RADX: variants seen among roughly 807,000 people sequenced by gnomAD.
RADX encodes the protein RPA1 related single stranded DNA binding protein, X-linked.
In RADX, 36 loss-of-function variants were observed where a neutral mutation model predicts 61.6. The ratio of observed to expected loss-of-function variants is 0.58; its 90% confidence interval spans 0.45 to 0.77. The LOEUF (loss-of-function observed/expected upper bound fraction) is 0.77. Ranked by LOEUF, RADX falls within the 30% of genes least tolerant of loss-of-function variation. The pLI is 0.00. For synonymous variants in RADX, 272 were observed against 237.9 expected (o/e 1.14, Z -1.32); for missense variants, 497 against 651.1 (o/e 0.76, Z 2.58).
At chrX:106,672,523 G>T (rs1195338451) in intron 13 of RADX, among the ~76,000 whole-genome samples, 1 of 110,673 alleles carries the variant, frequency 9.0e-6, no homozygotes, top group Non-Finnish European at 1.9e-5. Context: ...TGAAGCTGAG[G>T]CTGGAGTGAC....
intron 11 of RADX, among the ~76,000 whole-genome samples, chrX:106,650,781 A>T (rs1270355080): frequency 9.0e-6 from 1 of 111,674 alleles, no homozygotes; most frequent in Non-Finnish European, 1.9e-5. Context: ...ATCAATATGA[A>T]GAACTGACAT....
chrX:106,648,731 A>G (rs749469725), intron 11 of RADX, among the ~76,000 whole-genome samples: 92 of 111,007 alleles, frequency 8.3e-4, no homozygotes, highest in Non-Finnish European at 1.6e-3. Context: ...TTTCTTTGCT[A>G]TTGGGTTGGC....
At chrX:106,640,791 A>G (rs750102383) in intron 10 of RADX, 70 bp downstream of exon 10, 6 of 755,758 alleles carry the variant, frequency 7.9e-6, no homozygotes, top group Non-Finnish European at 1.1e-5. Context: ...CTGTAAAATA[A>G]GCAATTATCG....
Position 106,612,023 on chromosome X carries a change from C to T in RADX, c.-58C>T. ...CAAAGCGCGCGGTTTTATTTCTCTC[C>T]GCTTTGGACGGGGCAAACTAGCTTT... On this transcript the variant is annotated 5_prime_UTR_variant, in exon 1 of 14. Transcript: ENST00000372548. 1.8e-6 allele frequency: 2 copies of T among 1,138,191 alleles called. No individual in the cohort carries two copies. Among genetic ancestry groups the T allele is most frequent in the Non-Finnish European group, 2.3e-6 (2 of 854,183 alleles). The allele number at this position is 1,138,191 out of a possible 1,213,427, so 93.8% of individuals were successfully genotyped here. A position where few individuals can be genotyped will look rare whatever the true frequency, so the allele number is the denominator to read the frequency against.
At chrX:106,647,575 T>C (rs1927691183) in intron 10 of RADX, among the ~76,000 whole-genome samples, 1 of 111,188 alleles carries the variant, frequency 9.0e-6, no homozygotes, top group Admixed American at 9.6e-5. Context: ...CAAACTGTCT[T>C]CATAGTGGAT....
At chrX:106,616,990 G>A (rs1320411758) in intron 1 of RADX, among the ~76,000 whole-genome samples, 1 of 100,233 alleles carries the variant, frequency 1.0e-5, no homozygotes, top group Non-Finnish European at 2.0e-5. Flanking sequence ...GCTTGCAATT[G>A]GCATTTCTTT....
chrX:106,672,836 C>G (rs5917015), intron 13 of RADX, among the ~76,000 whole-genome samples: 21,895 of 111,244 alleles, frequency 0.2, 2,044 homozygotes, highest in Middle Eastern at 0.32. Context: ...AGCTGGCTTT[C>G]AAACAATACA....
At chrX:106,613,531 G>C (rs1020129240) in intron 1 of RADX, among the ~76,000 whole-genome samples, 1 of 112,011 alleles carries the variant, frequency 8.9e-6, no homozygotes, top group Non-Finnish European at 1.9e-5. Flanking sequence ...ATAAGAGAAA[G>C]TACTGGAAGG....
intron 7 of RADX, 127 bp downstream of exon 7, chrX:106,636,774 CT>C: frequency 2.9e-6 from 1 of 343,697 alleles, no homozygotes. Flanking sequence ...TCCTTTATTA[CT>C]ATAAGAGTGT....
intron 1 of RADX, among the ~76,000 whole-genome samples, chrX:106,615,583 C>A (rs1926782649): frequency 8.9e-6 from 1 of 111,741 alleles, no homozygotes; most frequent in Non-Finnish European, 1.9e-5. Flanking sequence ...TAAATATTTC[C>A]TCCCCCATTT....
intron 11 of RADX, among the ~76,000 whole-genome samples, chrX:106,659,801 A>C (rs1382472853): frequency 9.0e-6 from 1 of 111,656 alleles, no homozygotes; most frequent in Middle Eastern, 5.5e-3. Flanking sequence ...TAAAATAAAA[A>C]AATAAAGCAT....
chrX:106,631,714 A>AG (rs1253549001), intron 3 of RADX, among the ~76,000 whole-genome samples: 1 of 106,152 alleles, frequency 9.4e-6, no homozygotes, highest in Non-Finnish European at 1.9e-5. Context: ...AAAAAAAAAA[A>AG]AAGAAAGAAG....
intron 10 of RADX, among the ~76,000 whole-genome samples, chrX:106,642,576 A>G (rs1390969569): frequency 9.0e-6 from 1 of 111,600 alleles, no homozygotes; most frequent in Admixed American, 9.5e-5. Flanking sequence ...GTTGTTGCAA[A>G]TCACTGGATC....
At position 106,666,937 on chromosome X, in the gene RADX, A is replaced by T. The variant is rs1928241534; in HGVS notation, c.2270-2226A>T. ...TCTTAAATTCTATTATTGAAAAATT[A>T]TAGGTAAAATGCACACATGTGTATT... On this transcript the variant is annotated intron_variant, in intron 12 of 13. Transcript: ENST00000372548. Among the ~76,000 whole-genome samples the T allele has an allele frequency of 2.7e-5, 3 of 112,250 alleles. No individual in the cohort carries two copies. The South Asian group carries it at 1.1e-3, about 42-fold the overall frequency.
intron 11 of RADX, among the ~76,000 whole-genome samples, chrX:106,656,283 T>G (rs959306167): frequency 8.9e-6 from 1 of 111,846 alleles, no homozygotes; most frequent in African/African-American, 3.2e-5. Flanking sequence ...CTAATTCTAG[T>G]TCTCCTGCCA....
chrX:106,672,753 G>T (rs1452029103), intron 13 of RADX, among the ~76,000 whole-genome samples: 1 of 111,818 alleles, frequency 8.9e-6, no homozygotes, highest in Non-Finnish European at 1.9e-5. Context: ...AGGTCCAGAC[G>T]TGCCATCCAG....
At chrX:106,645,682 C>A (rs781762873) in intron 10 of RADX, among the ~76,000 whole-genome samples, 1 of 111,387 alleles carries the variant, frequency 9.0e-6, no homozygotes, top group Non-Finnish European at 1.9e-5. Flanking sequence ...TATGATCTAT[C>A]CTTGAGAATG....
chrX:106,622,563 C>A lies in RADX; in HGVS notation c.644-88C>A, dbSNP rs750160680. 32 of 806,261 alleles carry A rather than the reference C, an allele frequency of 4.0e-5. No individual in the cohort carries two copies. In the South Asian group the frequency reaches 6.6e-4, roughly 17 times the overall value. The allele number at this position is 806,261 out of a possible 1,213,427, so 66.4% of individuals were successfully genotyped here. On this transcript the variant is annotated intron_variant, in intron 1 of 13. Transcript: ENST00000372548. ...AAGAAGGAGTCACTTTAGGTATGAT[C>A]AAGCTACTATTTTTAACCATTAAAA... is the stretch of plus-strand genomic sequence containing the variant.
Position 106,629,664 on chromosome X carries a change from T to A in RADX, c.980-2961T>A, listed in dbSNP as rs1247988657. Among the ~76,000 whole-genome samples the A allele has an allele frequency of 2.7e-5, 3 of 111,782 alleles. No homozygotes were observed. The Admixed American group carries it at 2.9e-4, about 11-fold the overall frequency. On this transcript the variant is annotated intron_variant, in intron 3 of 13. Transcript: ENST00000372548. ...TCCAGAGACTAGACTAGAAAGTATATTCTCAAACTCATATTTTGCTTCCAA... is the reference window on the plus strand; with the variant it reads ...TCCAGAGACTAGACTAGAAAGTATAATCTCAAACTCATATTTTGCTTCCAA...
Sources: allele counts gnomAD v4.1 joint callset (sites outside exome capture counted in the v4.1 genomes callset), GRCh38; gene constraint gnomAD v4.1.1; transcripts MANE v1.5; gene names NCBI Gene and HGNC (gene_info 2026-07-23, HGNC 2026-07-21).